The following GRB10 variants were observed in gnomAD, a reference collection of about 807,000 sequenced individuals.
The protein encoded by GRB10 is growth factor receptor bound protein 10.
A neutral mutation model predicts 80.9 loss-of-function variants in GRB10; 20 were observed. That is an observed-to-expected ratio of 0.25 (90% CI 0.17 to 0.36). The LOEUF is 0.36. Among genes scored for constraint, GRB10 ranks in the 10% least tolerant of loss-of-function variants. The probability of loss-of-function intolerance (pLI) is 1.00; values close to 1 mark genes in which losing one functional copy is unlikely to be tolerated. For synonymous variants in GRB10, 291 were observed against 291.5 expected (o/e 1.00, Z 0.02); for missense variants, 548 against 747.7 (o/e 0.73, Z 3.12).
intron 3 of GRB10, 43 bp from the exon 4 acceptor site, chr7:50,732,411 A>T: frequency 8.2e-7 from 1 of 1,218,314 alleles, no homozygotes; most frequent in Admixed American, 1.8e-5. Context: ...CAGAAAAAAA[A>T]AAAAAAATCC....
chr7:50,646,572 T>C (rs977747059), intron 7 of GRB10, among the ~76,000 whole-genome samples: 35 of 152,168 alleles, frequency 2.3e-4, no homozygotes, highest in Admixed American at 1.8e-3. Context: ...TGGTTGGACA[T>C]AGAGGTGATA....
chr7:50,744,428 C>A (rs959927007), intron 3 of GRB10, among the ~76,000 whole-genome samples: 1 of 152,160 alleles, frequency 6.6e-6, no homozygotes, highest in African/African-American at 2.4e-5. Context: ...GGAGCACGAA[C>A]ATCCCATGCA....
chr7:50,763,363 A>G (rs1231172122), intron 2 of GRB10, among the ~76,000 whole-genome samples: 1 of 152,200 alleles, frequency 6.6e-6, no homozygotes, highest in Admixed American at 6.5e-5. Context: ...AAGGACTGGG[A>G]CTACCCAGAG....
chr7:50,731,390 G>C (rs912222282), intron 4 of GRB10, among the ~76,000 whole-genome samples: 1 of 151,170 alleles, frequency 6.6e-6, no homozygotes, highest in Non-Finnish European at 1.5e-5. Context: ...GCTAAAAAGA[G>C]ACTTCACAGA....
intron 4 of GRB10, among the ~76,000 whole-genome samples, chr7:50,706,584 A>C (rs1207265504): frequency 6.6e-6 from 1 of 152,210 alleles, no homozygotes; most frequent in Non-Finnish European, 1.5e-5. Flanking sequence ...TTTTCTGGCT[A>C]ATTCCAGAGG....
At chr7:50,635,962 CTTTTTTTTTTTTTTT>C (rs56411780) in intron 7 of GRB10, among the ~76,000 whole-genome samples, 10 of 71,012 alleles carry the variant, frequency 1.4e-4, no homozygotes, top group East Asian at 4.5e-4. Flanking sequence ...TTTTCCTTTC[CTTTTTTTTTTTTTTT>C]TTTTTTTTTT....
At chr7:50,756,889 T>C (rs555329090) in intron 2 of GRB10, among the ~76,000 whole-genome samples, 145 of 152,250 alleles carry the variant, frequency 9.5e-4, no homozygotes, top group Non-Finnish European at 1.7e-3. Context: ...GGCTTAGCAG[T>C]GTGACTGGCA....
chr7:50,791,976 G>C (rs913945724), intron 1 of GRB10, among the ~76,000 whole-genome samples: 3 of 152,154 alleles, frequency 2.0e-5, no homozygotes, highest in Non-Finnish European at 4.4e-5. Flanking sequence ...AGAGGAACTC[G>C]GGGTCAGCTC....
intron 7 of GRB10, among the ~76,000 whole-genome samples, chr7:50,654,351 AAT>A (rs2153621496): frequency 6.6e-6 from 1 of 152,286 alleles, no homozygotes; most frequent in South Asian, 2.1e-4. Flanking sequence ...GATGGCAATA[AAT>A]ATTCTCCTGC....
At chr7:50,639,673 CA>C (rs544650823) in intron 7 of GRB10, among the ~76,000 whole-genome samples, 23,129 of 125,202 alleles carry the variant, frequency 0.18, 2,195 homozygotes, top group African/African-American at 0.3. Flanking sequence ...GACTCTGTCT[CA>C]AAAAAAAAAA....
intron 2 of GRB10, among the ~76,000 whole-genome samples, chr7:50,757,182 C>G (rs934374755): frequency 4.6e-5 from 7 of 152,190 alleles, no homozygotes; most frequent in African/African-American, 1.7e-4. Context: ...TGGTTCATCT[C>G]CAGATGCCAC....
intron 15 of GRB10, among the ~76,000 whole-genome samples, chr7:50,604,670 A>T (rs575253679): frequency 6.6e-6 from 1 of 152,348 alleles, no homozygotes; most frequent in Non-Finnish European, 1.5e-5. Flanking sequence ...ATCGCAGGAG[A>T]AACACACAAG....
Position 50,669,727 on chromosome 7 carries a change from T to C in GRB10, c.499A>G (p.Lys167Glu). The stretch of plus-strand genomic sequence containing the variant: ...CCAGCCAGGGGCACACTCACCTGCT[T>C]TGCGGCGGCCTGGCTCGGAGGTAAA... ...GSLPPSQAAAKQDVKVFSEDG... is the reference protein window; with the variant it reads ...GSLPPSQAAAEQDVKVFSEDG... The change falls in exon 7 of 19, where the codon AAG (lysine) becomes GAG (glutamate). Residue 167 changes from lysine (K) to glutamate (E), a missense_variant. Coordinates refer to ENST00000401949, the MANE Select transcript of GRB10 (RefSeq NM_001350814.2). 6.2e-7 allele frequency: 1 copy of C among 1,613,116 alleles called. No individual in the cohort carries two copies. Among genetic ancestry groups the C allele is most frequent in the Non-Finnish European group, 8.5e-7 (1 of 1,179,988 alleles).
At chr7:50,735,738 T>C (rs1414286615) in intron 3 of GRB10, among the ~76,000 whole-genome samples, 3 of 152,164 alleles carry the variant, frequency 2.0e-5, no homozygotes, top group Non-Finnish European at 2.9e-5. Flanking sequence ...TATTAAAAAG[T>C]AGCTTTAGCA....
intron 7 of GRB10, among the ~76,000 whole-genome samples, chr7:50,630,757 C>G (rs1288578035): frequency 6.6e-6 from 1 of 152,164 alleles, no homozygotes; most frequent in Non-Finnish European, 1.5e-5. Flanking sequence ...ATTATGTCAA[C>G]AGCATGAAAC....
intron 7 of GRB10, among the ~76,000 whole-genome samples, chr7:50,627,593 A>G (rs527815907): frequency 4.4e-4 from 67 of 152,338 alleles, no homozygotes; most frequent in African/African-American, 1.6e-3. Context: ...CTACAAAGTT[A>G]CAAGCAAGCT....
intron 4 of GRB10, among the ~76,000 whole-genome samples, chr7:50,711,851 A>AGTTT (rs2065942985): frequency 1.3e-5 from 2 of 152,208 alleles, no homozygotes; most frequent in South Asian, 4.1e-4. Context: ...GGTGCTAGAC[A>AGTTT]GTTTACACAC....
chr7:50,608,455 C>T (rs1025325297), intron 13 of GRB10, among the ~76,000 whole-genome samples: 1 of 152,032 alleles, frequency 6.6e-6, no homozygotes, highest in Non-Finnish European at 1.5e-5. Context: ...GTCTTCTAGT[C>T]CCAGAGAGAA....
At chr7:50,702,668 G>A (rs879699681) in intron 5 of GRB10, among the ~76,000 whole-genome samples, 5 of 152,094 alleles carry the variant, frequency 3.3e-5, no homozygotes, top group African/African-American at 4.8e-5. Flanking sequence ...AACTGCATAC[G>A]GTGTAACTCC....
Sources: allele counts gnomAD v4.1 joint callset (sites outside exome capture counted in the v4.1 genomes callset), GRCh38; gene constraint gnomAD v4.1.1; transcripts MANE v1.5; gene names NCBI Gene and HGNC (gene_info 2026-07-23, HGNC 2026-07-21).